ARHGEF10: variants seen among roughly 807,000 people sequenced by gnomAD.
The protein encoded by ARHGEF10 is Rho guanine nucleotide exchange factor (GEF) 10.
ARHGEF10 carries 140 observed loss-of-function variants against 147.4 expected under a neutral mutation model. That is an observed-to-expected ratio of 0.95 (90% confidence interval 0.83 to 1.09). ARHGEF10 has a LOEUF of 1.09. Among genes scored for constraint, ARHGEF10 ranks in the 50% least tolerant of loss-of-function variants. The pLI is 0.00. For missense variants in ARHGEF10, 2,222 were observed against 1,752.7 expected, an observed-to-expected ratio of 1.27 and a Z score of -4.78; for synonymous variants, 902 against 695.8, an observed-to-expected ratio of 1.30 and a Z score of -4.67.
chr8:1,885,731 G>C (rs374464785), intron 11 of ARHGEF10, 24 bp downstream of exon 11: 2 of 1,537,808 alleles, frequency 1.3e-6, no homozygotes, highest in Admixed American at 1.7e-5. Context: ...AGCTGACAGG[G>C]GCTGTTGACC....
chr8:1,846,032 C>T (rs1469455124), intron 2 of ARHGEF10, among the ~76,000 whole-genome samples: 1 of 152,254 alleles, frequency 6.6e-6, no homozygotes, highest in Non-Finnish European at 1.5e-5. Context: ...GCCAAGGCTA[C>T]TGGATCCAGC....
At chr8:1,947,891 G>A (rs1381280271) in intron 27 of ARHGEF10, among the ~76,000 whole-genome samples, 1 of 151,782 alleles carries the variant, frequency 6.6e-6, no homozygotes, top group African/African-American at 2.4e-5. Context: ...AGAAGAGAAA[G>A]ATGGAATTAT....
intron 10 of ARHGEF10, among the ~76,000 whole-genome samples, chr8:1,884,257 G>T (rs921850887): frequency 2.0e-5 from 3 of 152,198 alleles, no homozygotes; most frequent in Admixed American, 6.5e-5. Context: ...TTAGCTGGGC[G>T]TGGTGGCGGG....
At chr8:1,827,735 T>C (rs1802852518) in intron 1 of ARHGEF10, among the ~76,000 whole-genome samples, 1 of 152,268 alleles carries the variant, frequency 6.6e-6, no homozygotes, top group African/African-American at 2.4e-5. Flanking sequence ...GTTGGTATTT[T>C]ATATTTTTGT....
chr8:1,904,129 C>G (rs1810702596), intron 16 of ARHGEF10: 2 of 152,320 alleles, frequency 1.3e-5, no homozygotes, highest in Non-Finnish European at 2.9e-5. Flanking sequence ...CATTTTTTGT[C>G]TTCACCTATG....
At position 1,860,034 on chromosome 8, in the gene ARHGEF10, A is replaced by G; in HGVS notation, c.331A>G (p.Ser111Gly). 2 of 1,613,838 alleles carry G rather than the reference A, an allele frequency of 1.2e-6. No individual in the cohort carries two copies. The highest frequency in any genetic ancestry group is 1.7e-6 in the Non-Finnish European group (2 of 1,179,946). The change falls in exon 4 of 29, where the codon AGC becomes GGC. Residue 111 changes from serine (S) to glycine (G), a missense_variant. Physicochemically the swap from Ser to Gly is moderately conservative, Grantham distance 56. Coordinates refer to ENST00000349830, the MANE Select transcript of ARHGEF10 (RefSeq NM_014629.4). ...GGACCAGCCGCCCACCCCCGTGCCCAGCGCTGAGGAGGAGAATGTGGGTCT... is the reference window on the plus strand; with the variant it reads ...GGACCAGCCGCCCACCCCCGTGCCCGGCGCTGAGGAGGAGAATGTGGGTCT... ...QEDQPPTPVP[S>G]AEEENVGLHV...
intron 2 of ARHGEF10, 40 bp from the exon 3 acceptor site, chr8:1,857,920 A>C (rs768938335): frequency 2.7e-6 from 4 of 1,457,060 alleles, no homozygotes; most frequent in South Asian, 2.3e-5. Flanking sequence ...CTATCTATCT[A>C]TCTATCTCTC....
In ARHGEF10 at chr8:1,896,457, C is replaced by CTT; in HGVS notation, c.1557+17_1557+18dup. The CTT allele has an allele frequency of 8.7e-6, 13 of 1,498,700 alleles. No homozygotes were observed. In the African/African-American group the frequency reaches 9.8e-5, roughly 11 times the overall value. The allele number at this position is 1,498,700 out of a possible 1,614,324, so 92.8% of individuals were successfully genotyped here. A position where few individuals can be genotyped will look rare whatever the true frequency, so the allele number is the denominator to read the frequency against. ...TTTCTTGAATTTTTAAAGGTAAGCG[C>CTT]TTTTTTTTTTCATTTGGGTTTTAAC... On this transcript the variant is annotated intron_variant, in intron 14 of 28. Coordinates refer to ENST00000349830, the MANE Select transcript of ARHGEF10 (RefSeq NM_014629.4).
At chr8:1,841,404 C>T (rs377511195) in intron 1 of ARHGEF10, among the ~76,000 whole-genome samples, 38 of 152,144 alleles carry the variant, frequency 2.5e-4, no homozygotes, top group African/African-American at 8.4e-4. Flanking sequence ...GTCAGAGAGG[C>T]GGATGGAAAG....
intron 13 of ARHGEF10, among the ~76,000 whole-genome samples, chr8:1,895,135 G>A (rs1361230005): frequency 6.6e-6 from 1 of 152,230 alleles, no homozygotes; most frequent in Non-Finnish European, 1.5e-5. Context: ...TGTTGCAACA[G>A]CTTGCCTGAA....
chr8:1,951,380 C>G (rs1397445672), intron 27 of ARHGEF10, among the ~76,000 whole-genome samples: 2 of 152,222 alleles, frequency 1.3e-5, no homozygotes, highest in East Asian at 3.9e-4. Context: ...ATCGCCCTGA[C>G]CAAGTCACGC....
At chr8:1,878,774 A>AG (rs1807922486) in intron 8 of ARHGEF10, among the ~76,000 whole-genome samples, 1 of 152,198 alleles carries the variant, frequency 6.6e-6, no homozygotes, top group Non-Finnish European at 1.5e-5. Context: ...CGTATCCCAG[A>AG]GGAGCCCTTG....
At chr8:1,902,697 G>T (rs1395192823) in intron 15 of ARHGEF10, among the ~76,000 whole-genome samples, 1 of 152,144 alleles carries the variant, frequency 6.6e-6, no homozygotes, top group Non-Finnish European at 1.5e-5. Flanking sequence ...TCGCAGGAGG[G>T]CGTACCCTTG....
intron 1 of ARHGEF10, among the ~76,000 whole-genome samples, chr8:1,824,952 T>C (rs1186407483): frequency 8.6e-5 from 2 of 23,248 alleles, no homozygotes; most frequent in African/African-American, 2.2e-4. Flanking sequence ...CTCCACCAGT[T>C]CCCCGCACCC....
At position 1,905,710 on chromosome 8, in the gene ARHGEF10, G is replaced by T; in HGVS notation, c.1961G>T (p.Ser654Ile). The change falls in exon 17 of 29, where the codon AGC becomes ATC. Residue 654 changes from serine (S) to isoleucine (I), a missense_variant. Physicochemically the swap from Ser to Ile is moderately radical, Grantham distance 142. Transcript: ENST00000349830. ...LNDVLMCATVSSRPSHDSRVM... is the reference protein window; with the variant it reads ...LNDVLMCATVISRPSHDSRVM... Reference sequence around the variant, plus strand: ...GATGTGTTAATGTGTGCCACCGTCAGCTCACGGTAAGTGCATAAATTCTCT... The same window carrying T: ...GATGTGTTAATGTGTGCCACCGTCATCTCACGGTAAGTGCATAAATTCTCT... 1.2e-6 allele frequency: 2 copies of T among 1,613,774 alleles called. No individual in the cohort carries two copies. The highest frequency in any genetic ancestry group is 8.5e-7 in the Non-Finnish European group (1 of 1,180,044).
chr8:1,917,330 T>G (rs1325867670), intron 18 of ARHGEF10, among the ~76,000 whole-genome samples: 1 of 152,240 alleles, frequency 6.6e-6, no homozygotes, highest in Non-Finnish European at 1.5e-5. Flanking sequence ...ACATTTGCCT[T>G]AATTTAAGTT....
chr8:1,923,382 A>G, intron 19 of ARHGEF10, 86 bp from the exon 20 acceptor site: 2 of 1,575,354 alleles, frequency 1.3e-6, no homozygotes, highest in East Asian at 2.2e-5. Flanking sequence ...TGAATTTCTC[A>G]TATTAAAATT....
intron 15 of ARHGEF10, 34 bp downstream of exon 15, chr8:1,898,559 C>T (rs780339673): frequency 6.3e-7 from 1 of 1,591,774 alleles, no homozygotes; most frequent in South Asian, 1.1e-5. Flanking sequence ...TCAAGCTAGT[C>T]CTCTGGCTCG....
At chr8:1,897,526 G>A (rs1461091024) in intron 14 of ARHGEF10, among the ~76,000 whole-genome samples, 2 of 149,744 alleles carry the variant, frequency 1.3e-5, no homozygotes, top group Non-Finnish European at 1.5e-5. Context: ...CTGTCCTAAG[G>A]CATCGGATCG....
Sources: allele counts gnomAD v4.1 joint callset (sites outside exome capture counted in the v4.1 genomes callset), GRCh38; gene constraint gnomAD v4.1.1; transcripts MANE v1.5; gene names NCBI Gene and HGNC (gene_info 2026-07-23, HGNC 2026-07-21).